The following INSL6 variants were observed in gnomAD, a reference collection of about 807,000 sequenced individuals.
INSL6 encodes the protein insulin like 6, also known as insulin-like peptide INSL6.
INSL6 carries 16 observed loss-of-function variants against 9.4 expected under a neutral mutation model. The ratio of observed to expected loss-of-function variants is 1.70; its 90% CI spans 1.15 to 2.59. The LOEUF (loss-of-function observed/expected upper bound fraction) is 2.59. Among genes scored for constraint, INSL6 ranks in the 30% most tolerant of loss-of-function variants. The pLI, the probability that INSL6 is intolerant of heterozygous loss-of-function variation, is 0.00. For synonymous variants in INSL6, 154 were observed against 96.9 expected, an observed-to-expected ratio of 1.59 and a Z score of -3.46; for missense variants, 391 against 257.3, an observed-to-expected ratio of 1.52 and a Z score of -3.56.
intron 2 of INSL6, among the ~76,000 whole-genome samples, chr9:5,141,741 T>G (rs998916598): frequency 5.9e-5 from 9 of 152,212 alleles, no homozygotes; most frequent in African/African-American, 2.2e-4. Context: ...CATTTATCAA[T>G]TTTTGCTTTT....
chr9:5,153,507 G>C (rs1271364264), intron 2 of INSL6, among the ~76,000 whole-genome samples: 1 of 152,148 alleles, frequency 6.6e-6, no homozygotes, highest in Non-Finnish European at 1.5e-5. Flanking sequence ...AGAAATAAAA[G>C]GTATTCAATT....
chr9:5,041,563 C>A, the INSL6 span: 5 of 521,330 alleles, frequency 9.6e-6, no homozygotes, highest in Non-Finnish European at 1.9e-5. Flanking sequence ...GAGATGGCTA[C>A]GTACCTGCAC....
the INSL6 span, chr9:5,109,810 CATT>C: frequency 2.0e-5 from 3 of 152,170 alleles, no homozygotes; most frequent in Non-Finnish European, 2.9e-5. Flanking sequence ...CAGACCCTAA[CATT>C]AATCAATTTT....
At chr9:5,115,477 T>C in the INSL6 span, among the ~76,000 whole-genome samples, 1 of 152,184 alleles carries the variant, frequency 6.6e-6, no homozygotes, top group African/African-American at 2.4e-5. Flanking sequence ...TGTAAATTAG[T>C]TCAACCATTG....
downstream of INSL6, among the ~76,000 whole-genome samples, chr9:5,119,753 A>G (rs1207994285): frequency 6.6e-6 from 1 of 152,294 alleles, no homozygotes; most frequent in East Asian, 1.9e-4. Flanking sequence ...GAAAATCAGA[A>G]ATAACTTATT....
chr9:5,019,891 C>T, the INSL6 span, among the ~76,000 whole-genome samples: 2 of 152,164 alleles, frequency 1.3e-5, no homozygotes, highest in African/African-American at 4.8e-5. Flanking sequence ...GATGGTGACA[C>T]CAGCTGGACT....
chr9:5,148,451 G>A (rs1173749338), intron 2 of INSL6, among the ~76,000 whole-genome samples: 1 of 152,120 alleles, frequency 6.6e-6, no homozygotes, highest in Non-Finnish European at 1.5e-5. Context: ...TGGACTTTGG[G>A]GGAGCCATCT....
chr9:5,147,458 C>A (rs1824622539), intron 2 of INSL6, among the ~76,000 whole-genome samples: 1 of 152,202 alleles, frequency 6.6e-6, no homozygotes, highest in Non-Finnish European at 1.5e-5. Context: ...GAGGCTCTGT[C>A]CAGGGAGTTG....
At chr9:4,993,169 T>C in the INSL6 span, among the ~76,000 whole-genome samples, 1 of 152,204 alleles carries the variant, frequency 6.6e-6, no homozygotes, top group Non-Finnish European at 1.5e-5. Context: ...CACAAATCTC[T>C]TTTGAGAGGA....
chr9:5,158,681 A>C (rs1349419454), intron 2 of INSL6, among the ~76,000 whole-genome samples: 1 of 152,174 alleles, frequency 6.6e-6, no homozygotes, highest in Middle Eastern at 3.2e-3. Context: ...CAGCCAAAAA[A>C]AGGAAGAAAG....
the INSL6 span, among the ~76,000 whole-genome samples, chr9:5,026,853 T>C: frequency 6.6e-6 from 1 of 152,358 alleles, no homozygotes. Context: ...TTCTAAAATA[T>C]CTTTTAAGAA....
the INSL6 span, among the ~76,000 whole-genome samples, chr9:5,010,235 C>T: frequency 6.6e-6 from 1 of 152,070 alleles, no homozygotes; most frequent in Non-Finnish European, 1.5e-5. Context: ...AATTTTACTC[C>T]TTTTAGCTAC....
the INSL6 span, among the ~76,000 whole-genome samples, chr9:5,046,282 T>C: frequency 3.3e-5 from 5 of 152,198 alleles, no homozygotes; most frequent in Non-Finnish European, 5.9e-5. Flanking sequence ...GTTGTTATAT[T>C]ATAGAAATTA....
At chr9:5,077,801 C>G in the INSL6 span, among the ~76,000 whole-genome samples, 3 of 152,148 alleles carry the variant, frequency 2.0e-5, no homozygotes, top group Non-Finnish European at 2.9e-5. Context: ...TATCTTAGAA[C>G]TACTAATAGA....
the INSL6 span, among the ~76,000 whole-genome samples, chr9:5,024,531 T>G: frequency 1.3e-5 from 2 of 152,210 alleles, no homozygotes; most frequent in African/African-American, 4.8e-5. Context: ...TAGGGTCTTT[T>G]CTTCTAAGTT....
At chr9:5,054,797 G>C in the INSL6 span, 2 of 1,613,078 alleles carry the variant, frequency 1.2e-6, no homozygotes, top group Non-Finnish European at 1.7e-6. The surrounding 1 kb of genome is among the most constrained non-coding windows in gnomAD (Gnocchi z 4.9). Flanking sequence ...CAGGTGAGGA[G>C]ATTTTTGCAA....
At position 5,126,861 on chromosome 9, in the gene INSL6, G is replaced by T. The variant is rs573032386; in HGVS notation, c.*11-2350C>A. 54 of 855,322 alleles carry T rather than the reference G, an allele frequency of 6.3e-5. No individual in the cohort carries two copies. In the East Asian group the frequency reaches 1.1e-3, roughly 17 times the overall value. 53.0% of individuals were successfully genotyped at this position (855,322 alleles called of 1,614,324 possible). ...AAGTTTTATATTTCACATTGCTGTG[G>T]ACTATTATTACATATATCATTATTA... On this transcript the variant is annotated intron_variant, in intron 3 of 3. Coordinates refer to the INSL6 transcript ENST00000649639.
At chr9:5,069,285 G>C in the INSL6 span, 1 of 876,452 alleles carries the variant, frequency 1.1e-6, no homozygotes, top group South Asian at 1.9e-5. Context: ...TCAGTACATT[G>C]ATTTCAAAGG....
At chr9:5,018,420 C>G in the INSL6 span, among the ~76,000 whole-genome samples, 1 of 152,122 alleles carries the variant, frequency 6.6e-6, no homozygotes, top group Non-Finnish European at 1.5e-5. Context: ...ACTGCAGCCT[C>G]GACCTCCATG....
Sources: allele counts gnomAD v4.1 joint callset (sites outside exome capture counted in the v4.1 genomes callset), GRCh38; gene constraint gnomAD v4.1.1; non-coding constraint Gnocchi (gnomAD v3.1); transcripts MANE v1.5; gene names NCBI Gene and HGNC (gene_info 2026-07-23, HGNC 2026-07-21).